FBXL2: variants seen among roughly 807,000 people sequenced by gnomAD.
FBXL2 encodes the protein F-box/LRR-repeat protein 2.
FBXL2 carries 38 observed loss-of-function variants against 69.2 expected under a neutral mutation model. The ratio of observed to expected loss-of-function variants is 0.55; its 90% CI spans 0.42 to 0.72. The LOEUF is 0.72. Ranked by LOEUF, FBXL2 falls within the 30% of genes least tolerant of loss-of-function variation. The probability of loss-of-function intolerance (pLI) is 0.00; values close to 1 mark genes in which losing one functional copy is unlikely to be tolerated. For missense variants in FBXL2, 354 were observed against 520.3 expected (o/e 0.68, Z 3.11); for synonymous variants, 192 against 201.3 (o/e 0.95, Z 0.39).
At chr3:33,418,323 G>A in the FBXL2 span, among the ~76,000 whole-genome samples, 6 of 151,900 alleles carry the variant, frequency 3.9e-5, no homozygotes, top group African/African-American at 1.4e-4. Context: ...GCGCAATCTC[G>A]GCTCACTGCA....
At chr3:33,406,459 T>G (rs943882849), downstream of FBXL2, among the ~76,000 whole-genome samples, 1 of 152,186 alleles carries the variant, frequency 6.6e-6, no homozygotes, top group African/African-American at 2.4e-5. Flanking sequence ...TAACACAGCA[T>G]AACATACATG....
intron 5 of FBXL2, among the ~76,000 whole-genome samples, chr3:33,366,054 A>G (rs1285409549): frequency 4.6e-5 from 7 of 152,214 alleles, no homozygotes; most frequent in African/African-American, 1.2e-4. Context: ...TTAAGTATAA[A>G]AACACTCACT....
chr3:33,390,300 G>C (rs1559661146), downstream of FBXL2: 1 of 1,597,276 alleles, frequency 6.3e-7, no homozygotes, highest in Non-Finnish European at 8.6e-7. Flanking sequence ...TGACTATTTG[G>C]TACTGAATAC....
the FBXL2 span, among the ~76,000 whole-genome samples, chr3:33,410,358 A>G: frequency 0.013 from 2,000 of 152,238 alleles, 52 homozygotes; most frequent in African/African-American, 0.046. Context: ...TGACAACACA[A>G]CCTGATATGT....
At chr3:33,341,832 GAA>G (rs56386082) in intron 2 of FBXL2, among the ~76,000 whole-genome samples, 18,618 of 58,768 alleles carry the variant, frequency 0.32, 2,566 homozygotes, top group East Asian at 0.59. Flanking sequence ...TCCGTCTCAG[GAA>G]AAAAAAAAAA....
chr3:33,364,084 G>A (rs1386193397), intron 4 of FBXL2, among the ~76,000 whole-genome samples: 3 of 152,172 alleles, frequency 2.0e-5, no homozygotes, highest in African/African-American at 4.8e-5. Flanking sequence ...TAATATCTCT[G>A]CCAGTACTCA....
At chr3:33,320,991 C>T (rs193240758) in intron 2 of FBXL2, among the ~76,000 whole-genome samples, 1 of 151,978 alleles carries the variant, frequency 6.6e-6, no homozygotes, top group African/African-American at 2.4e-5. Context: ...TCTTACAAAT[C>T]AATAAGAAAA....
chr3:33,364,807 C>T, intron 5 of FBXL2, 88 bp downstream of exon 5: 2 of 1,123,160 alleles, frequency 1.8e-6, no homozygotes, highest in Non-Finnish European at 2.7e-6. Context: ...TGCTCTTCTT[C>T]TGTTAAAATT....
chr3:33,327,839 G>C (rs2038822586), intron 2 of FBXL2, among the ~76,000 whole-genome samples: 1 of 151,848 alleles, frequency 6.6e-6, no homozygotes, highest in Non-Finnish European at 1.5e-5. Flanking sequence ...TAGAAATCCT[G>C]GCCAGTGCAA....
intron 2 of FBXL2, among the ~76,000 whole-genome samples, chr3:33,342,989 C>A (rs1280049996): frequency 1.3e-5 from 2 of 150,782 alleles, no homozygotes; most frequent in Non-Finnish European, 3.0e-5. Context: ...ATCCGTCCAC[C>A]TTGGCTTCCC....
intron 12 of FBXL2, 24 bp downstream of exon 12, chr3:33,378,171 G>A: frequency 6.2e-7 from 1 of 1,611,578 alleles, no homozygotes; most frequent in South Asian, 1.1e-5. Flanking sequence ...TGACAGCCCT[G>A]CAGGGCAGCC....
At chr3:33,359,701 A>G (rs2041476513) in intron 4 of FBXL2, among the ~76,000 whole-genome samples, 1 of 152,138 alleles carries the variant, frequency 6.6e-6, no homozygotes, top group African/African-American at 2.4e-5. Flanking sequence ...CGAGAATTCT[A>G]ATTCAGCATC....
chr3:33,352,955 C>G (rs552065231), intron 2 of FBXL2, among the ~76,000 whole-genome samples: 9 of 151,936 alleles, frequency 5.9e-5, no homozygotes, highest in Non-Finnish European at 1.2e-4. Flanking sequence ...TGAGAAATAA[C>G]TCAATTTTTT....
chr3:33,375,414 C>G lies in FBXL2; in HGVS notation c.784C>G (p.Leu262Val). The G allele has an allele frequency of 6.2e-7, 1 of 1,614,016 alleles. No individual in the cohort carries two copies. Among genetic ancestry groups the G allele is most frequent in the Non-Finnish European group, 8.5e-7 (1 of 1,179,876 alleles). ...AGCCCTGGGTTTGAACTGTCCGCGA[C>G]TGCAGTGAGTACACTGCACTTTTTG... ...LTALGLNCPRLQILEAARCSH... is the reference protein window; with the variant it reads ...LTALGLNCPRVQILEAARCSH... The change falls in exon 10 of 15, where the codon CTG becomes GTG. Residue 262 changes from leucine (L) to valine (V), a missense_variant. Coordinates refer to ENST00000484457, the MANE Select transcript of FBXL2 (RefSeq NM_012157.5).
chr3:33,398,535 C>T (rs1417817394), intron 12 of FBXL2: 4 of 152,466 alleles, frequency 2.6e-5, no homozygotes, highest in Non-Finnish European at 5.9e-5. Context: ...TGTGAATGCC[C>T]CCAAGGATCA....
chr3:33,339,454 CA>C (rs1250933304), intron 2 of FBXL2, among the ~76,000 whole-genome samples: 1 of 152,144 alleles, frequency 6.6e-6, no homozygotes, highest in Non-Finnish European at 1.5e-5. Context: ...TTCAGGAACA[CA>C]GAACCAAATA....
chr3:33,394,892 A>G (rs1422189641), intron 12 of FBXL2, among the ~76,000 whole-genome samples: 1 of 140,112 alleles, frequency 7.1e-6, no homozygotes, highest in Non-Finnish European at 1.5e-5. Context: ...GTCTATGGCT[A>G]TTTTAGCACT....
intron 2 of FBXL2, among the ~76,000 whole-genome samples, chr3:33,343,628 G>C (rs1337362445): frequency 6.6e-6 from 1 of 151,976 alleles, no homozygotes; most frequent in Non-Finnish European, 1.5e-5. Flanking sequence ...AGGACACCTA[G>C]TCATGTGTAA....
At chr3:33,298,763 G>A (rs148908818) in intron 2 of FBXL2, among the ~76,000 whole-genome samples, 91 of 150,594 alleles carry the variant, frequency 6.0e-4, no homozygotes, top group Admixed American at 1.4e-3. Context: ...TTCTTTATGA[G>A]GAATTAATAG....
Sources: allele counts gnomAD v4.1 joint callset (sites outside exome capture counted in the v4.1 genomes callset), GRCh38; gene constraint gnomAD v4.1.1; transcripts MANE v1.5; gene names NCBI Gene and HGNC (gene_info 2026-07-23, HGNC 2026-07-21).